Variants in SGCZ observed in about 807,000 individuals in gnomAD.
The protein encoded by SGCZ is sarcoglycan zeta.
A neutral mutation model predicts 41.3 loss-of-function variants in SGCZ; 40 were observed. The ratio of observed to expected loss-of-function variants is 0.97; its 90% CI spans 0.75 to 1.26. The LOEUF (loss-of-function observed/expected upper bound fraction) is 1.26. Among genes scored for constraint, SGCZ ranks in the 50% most tolerant of loss-of-function variants. The pLI is 0.00. For missense variants in SGCZ, 552 were observed against 369.8 expected (o/e 1.49, Z -4.04); for synonymous variants, 206 against 137.5 (o/e 1.50, Z -3.49).
chr8:14,490,312 G>T (rs1158040), intron 2 of SGCZ, among the ~76,000 whole-genome samples: 3 of 151,980 alleles, frequency 2.0e-5, no homozygotes, highest in South Asian at 4.1e-4. Context: ...ATTTACCTAC[G>T]TTTTCTATGA....
intron 5 of SGCZ, among the ~76,000 whole-genome samples, chr8:14,153,915 TCTC>T (rs1283971443): frequency 1.5e-3 from 174 of 115,372 alleles, no homozygotes; most frequent in Non-Finnish European, 2.4e-3. Context: ...TCTCTCTCTC[TCTC>T]TCTCTCACAC....
Position 14,886,012 on chromosome 8 carries a change from T to A in SGCZ, c.40-331086A>T, listed in dbSNP as rs932720868. On this transcript the variant is annotated intron_variant, in intron 1 of 7. Transcript: ENST00000382080. ...ATATATATATATATATATATATATA[T>A]ATATATATATATATATATATATAAA... Among the ~76,000 whole-genome samples, 24 of 121,194 alleles carry A rather than the reference T, an allele frequency of 2.0e-4. 1 individual carries two copies. The highest frequency in any genetic ancestry group is 3.5e-4 in the Non-Finnish European group (20 of 56,382). 79.5% of individuals were successfully genotyped at this position (121,194 alleles called of 152,430 possible).
intron 3 of SGCZ, among the ~76,000 whole-genome samples, chr8:14,290,147 G>A (rs187285613): frequency 1.3e-5 from 2 of 151,900 alleles, no homozygotes; most frequent in African/African-American, 4.8e-5. Flanking sequence ...ACTGTATTAA[G>A]AACAAAATTA....
intron 1 of SGCZ, among the ~76,000 whole-genome samples, chr8:14,721,982 T>G (rs1771896770): frequency 6.6e-6 from 1 of 152,196 alleles, no homozygotes; most frequent in African/African-American, 2.4e-5. Flanking sequence ...ATACCCTCTC[T>G]CAGGTGTTTC....
intron 2 of SGCZ, among the ~76,000 whole-genome samples, chr8:14,537,138 T>A (rs979297822): frequency 6.6e-6 from 1 of 151,912 alleles, no homozygotes; most frequent in Non-Finnish European, 1.5e-5. Flanking sequence ...GTTAAAGATG[T>A]CCACTCTGTA....
chr8:14,703,573 C>T (rs942169418), intron 1 of SGCZ, among the ~76,000 whole-genome samples: 1 of 151,926 alleles, frequency 6.6e-6, no homozygotes, highest in Admixed American at 6.6e-5. Context: ...AAACTCTATT[C>T]TAGTCTATTT....
At chr8:14,524,841 A>G (rs1238790028) in intron 2 of SGCZ, among the ~76,000 whole-genome samples, 1 of 152,024 alleles carries the variant, frequency 6.6e-6, no homozygotes, top group Non-Finnish European at 1.5e-5. Flanking sequence ...GTTTTTTTTA[A>G]AGCAAATAAC....
At chr8:15,025,060 C>G (rs183405978) in intron 1 of SGCZ, among the ~76,000 whole-genome samples, 101 of 152,076 alleles carry the variant, frequency 6.6e-4, no homozygotes, top group Admixed American at 1.4e-3. Flanking sequence ...TTAAAATACT[C>G]TCTAGGTTTA....
rs375961628 is a variant in SGCZ at position 14,928,509 on chromosome 8, G to A, written c.39+309076C>T. On this transcript the variant is annotated intron_variant, in intron 1 of 7. Transcript: ENST00000382080. The stretch of plus-strand genomic sequence containing the variant: ...AGGAAATACATATTACCAGACATAA[G>A]AGATTTGCTGATTTTTACAATTTGC... Among the ~76,000 whole-genome samples, 88 of 152,180 alleles carry A rather than the reference G, an allele frequency of 5.8e-4. 1 individual carries two copies. The highest frequency in any genetic ancestry group is 1.9e-4 in the Non-Finnish European group (13 of 68,032).
intron 1 of SGCZ, among the ~76,000 whole-genome samples, chr8:15,077,591 A>T (rs1224441542): frequency 6.6e-6 from 1 of 152,018 alleles, no homozygotes; most frequent in African/African-American, 2.4e-5. Flanking sequence ...TATAACTTTA[A>T]CCTCCTTGTA....
intron 1 of SGCZ, among the ~76,000 whole-genome samples, chr8:15,038,611 T>C (rs1283217900): frequency 1.3e-5 from 2 of 151,678 alleles, no homozygotes; most frequent in African/African-American, 2.4e-5. Context: ...GCAAATGGAA[T>C]TGCATCAAAT....
chr8:14,913,181 A>G (rs888768013), intron 1 of SGCZ, among the ~76,000 whole-genome samples: 2 of 152,100 alleles, frequency 1.3e-5, no homozygotes, highest in Non-Finnish European at 2.9e-5. Flanking sequence ...CTAATTATTC[A>G]GCATATCCTT....
At chr8:14,142,784 G>T (rs557116005) in intron 5 of SGCZ, among the ~76,000 whole-genome samples, 2 of 152,212 alleles carry the variant, frequency 1.3e-5, no homozygotes, top group East Asian at 3.9e-4. Context: ...TGTCATCCCT[G>T]TTGTGAGTTC....
chr8:14,880,272 A>G (rs1435869380), intron 1 of SGCZ, among the ~76,000 whole-genome samples: 1 of 152,218 alleles, frequency 6.6e-6, no homozygotes, highest in East Asian at 1.9e-4. Flanking sequence ...CACACCAGTT[A>G]GAATGGTGAT....
chr8:15,190,137 T>A (rs1800484943), intron 1 of SGCZ, among the ~76,000 whole-genome samples: 1 of 152,152 alleles, frequency 6.6e-6, no homozygotes, highest in African/African-American at 2.4e-5. Context: ...GAAATTCTCC[T>A]CTGTACACTC....
intron 1 of SGCZ, among the ~76,000 whole-genome samples, chr8:14,884,529 A>G (rs1804718162): frequency 1.3e-5 from 2 of 152,014 alleles, no homozygotes. Flanking sequence ...TAGCCAAGAC[A>G]TTTTGCATAT....
At chr8:14,731,864 T>A (rs146908453) in intron 1 of SGCZ, among the ~76,000 whole-genome samples, 99 of 152,274 alleles carry the variant, frequency 6.5e-4, no homozygotes, top group African/African-American at 2.2e-3. Context: ...GATGGTCTCC[T>A]TAAGCTCCCC....
intron 1 of SGCZ, among the ~76,000 whole-genome samples, chr8:14,901,825 G>A (rs192744705): frequency 3.3e-5 from 5 of 151,998 alleles, no homozygotes; most frequent in African/African-American, 9.7e-5. Context: ...GAAATGTCAC[G>A]CTAATGTAAA....
intron 1 of SGCZ, among the ~76,000 whole-genome samples, chr8:14,752,102 C>T (rs1255466178): frequency 1.8e-5 from 2 of 109,646 alleles, no homozygotes; most frequent in Non-Finnish European, 3.6e-5. Flanking sequence ...GCCAAAATAC[C>T]GAAAACAAAA....
Sources: gnomAD v4.1 joint callset for allele counts (sites outside exome capture counted in the v4.1 genomes callset) on GRCh38, gnomAD v4.1.1 for gene constraint, MANE v1.5 for transcripts, NCBI Gene and HGNC (gene_info 2026-07-23, HGNC 2026-07-21) for gene names.